MDM1: variants seen among roughly 807,000 people sequenced by gnomAD.
The protein encoded by MDM1 is stabilizer of axonemal microtubules 6.
In MDM1, 61 loss-of-function variants were observed where a neutral mutation model predicts 89.1. The observed-to-expected ratio is 0.68, with a 90% CI of 0.56 to 0.85. MDM1 has a LOEUF of 0.85. Among genes scored for constraint, MDM1 ranks in the 40% least tolerant of loss-of-function variants. The pLI is 0.00. For missense variants in MDM1, 820 were observed against 846.5 expected, an observed-to-expected ratio of 0.97 and a Z score of 0.39; for synonymous variants, 290 against 294.1, an observed-to-expected ratio of 0.99 and a Z score of 0.14.
Position 68,321,646 on chromosome 12 carries a change from T to C in MDM1, c.802-18A>G, listed in dbSNP as rs1875250425. 2 of 1,537,430 alleles carry C rather than the reference T, an allele frequency of 1.3e-6. No individual in the cohort carries two copies. The highest frequency in any genetic ancestry group is 1.8e-6 in the Non-Finnish European group (2 of 1,117,722). ...TTATTACTCTGAAATGGAAATCATT[T>C]AAGCTTTTTATGCTTAAGATGTTAC... On this transcript the variant is annotated intron_variant, in intron 5 of 14. Coordinates refer to ENST00000682720, the MANE Select transcript of MDM1 (RefSeq NM_001354969.2).
intron 14 of MDM1, among the ~76,000 whole-genome samples, chr12:68,296,220 C>T (rs1455087384): frequency 6.6e-6 from 1 of 152,232 alleles, no homozygotes; most frequent in Non-Finnish European, 1.5e-5. Context: ...CTACAAAAGG[C>T]TGGGCATGGT....
chr12:68,321,053 C>T (rs1019812061), intron 7 of MDM1: 13 of 245,346 alleles, frequency 5.3e-5, no homozygotes, highest in South Asian at 1.3e-4. Flanking sequence ...ATGAAATAAT[C>T]GAATCTATAA....
At chr12:68,316,550 T>A (rs1874529269) in intron 8 of MDM1, 31 bp downstream of exon 8, 1 of 1,509,692 alleles carries the variant, frequency 6.6e-7, no homozygotes, top group African/African-American at 1.4e-5. Flanking sequence ...AATCTATGAT[T>A]ATAGTTTTTA....
intron 3 of MDM1, 77 bp downstream of exon 3, chr12:68,326,580 T>C (rs2121148914): frequency 6.2e-7 from 1 of 1,613,690 alleles, no homozygotes; most frequent in East Asian, 2.2e-5. Flanking sequence ...AAACACAAAA[T>C]GTAATATTAC....
At chr12:68,321,171 T>TA in intron 7 of MDM1, 176 bp downstream of exon 7, 1 of 381,854 alleles carries the variant, frequency 2.6e-6, no homozygotes, top group Non-Finnish European at 4.4e-6. Flanking sequence ...GCCAGTGGCA[T>TA]TAAAAAAAAT....
chr12:68,315,955 G>A (rs1286536332), intron 9 of MDM1, 123 bp downstream of exon 9: 1 of 699,094 alleles, frequency 1.4e-6, no homozygotes, highest in Non-Finnish European at 2.2e-6. Flanking sequence ...TGAAATAAAT[G>A]GCTGCCACAA....
At chr12:68,297,286 T>C (rs1301813441) in intron 13 of MDM1, among the ~76,000 whole-genome samples, 3 of 152,216 alleles carry the variant, frequency 2.0e-5, no homozygotes, top group Admixed American at 2.0e-4. Context: ...TTTAAAGAAA[T>C]GTAGTAGGCT....
At chr12:68,329,948 C>T (rs1876550121) in intron 2 of MDM1, among the ~76,000 whole-genome samples, 1 of 152,190 alleles carries the variant, frequency 6.6e-6, no homozygotes, top group African/African-American at 2.4e-5. Context: ...CACTTACTAG[C>T]TGTAAAGCTG....
At chr12:68,309,632 T>C (rs1228541689) in intron 12 of MDM1, among the ~76,000 whole-genome samples, 2 of 152,354 alleles carry the variant, frequency 1.3e-5, no homozygotes, top group Admixed American at 1.3e-4. Flanking sequence ...TTTGAAAATG[T>C]TTCCTGATGA....
chr12:68,295,667 T>C (rs1337462626), intron 14 of MDM1, among the ~76,000 whole-genome samples: 1 of 152,208 alleles, frequency 6.6e-6, no homozygotes, highest in African/African-American at 2.4e-5. Context: ...TCAGTATTAC[T>C]TGAAAATAAT....
At chr12:68,302,530 TTTA>T in intron 13 of MDM1, 87 bp downstream of exon 13, 1 of 1,143,708 alleles carries the variant, frequency 8.7e-7, no homozygotes. Context: ...AAATAACTGA[TTTA>T]TTAACATAAA....
At chr12:68,296,788 C>G (rs1802186793) in intron 14 of MDM1, 135 bp downstream of exon 14, 2 of 532,988 alleles carry the variant, frequency 3.8e-6, no homozygotes, top group Admixed American at 4.2e-5. Context: ...TTCACTCCCC[C>G]TCACAGGGTT....
chr12:68,316,317 A>G (rs901520157), intron 8 of MDM1, 64 bp from the exon 9 acceptor site: 4 of 1,486,708 alleles, frequency 2.7e-6, no homozygotes, highest in Non-Finnish European at 3.6e-6. Context: ...AGCACCAAGT[A>G]GCATATCAAA....
Position 68,326,947 on chromosome 12 carries a change from C to T in MDM1, c.208G>A (p.Glu70Lys). Residue 70 changes from glutamate (E) to lysine (K), a missense_variant, in exon 3 of 15, where the codon GAG (glutamate) becomes AAG (lysine). Coordinates refer to ENST00000682720, the MANE Select transcript of MDM1 (RefSeq NM_001354969.2). ...CTCTCTGAGATAGCTCCATTCCACT[C>T]CAGAGATTTTGAAATCTGTGGGTCA... Reference protein sequence around the residue: ...YHDPQISKSLEWNGAISESNV... With the variant: ...YHDPQISKSLKWNGAISESNV... 6.2e-7 allele frequency: 1 copy of T among 1,613,916 alleles called. No homozygotes were observed. The highest frequency in any genetic ancestry group is 2.2e-5 in the East Asian group (1 of 44,880).
At chr12:68,313,404 G>A in intron 12 of MDM1, 39 bp downstream of exon 12, 1 of 1,355,082 alleles carries the variant, frequency 7.4e-7, no homozygotes, top group African/African-American at 1.4e-5. Context: ...ACAATAATTA[G>A]TCCTAGATGA....
intron 4 of MDM1, 47 bp downstream of exon 4, chr12:68,325,394 T>C (rs191786744): frequency 7.0e-7 from 1 of 1,438,052 alleles, no homozygotes; most frequent in East Asian, 2.5e-5. Context: ...TCTACATTAC[T>C]AGATAAGATA....
chr12:68,306,200 A>G (rs1331459807), intron 12 of MDM1, among the ~76,000 whole-genome samples: 2 of 152,162 alleles, frequency 1.3e-5, no homozygotes, highest in Non-Finnish European at 2.9e-5. Context: ...GTGCTGGGAA[A>G]ACTGGCTGGC....
At chr12:68,307,124 T>TAA (rs1489959571) in intron 12 of MDM1, among the ~76,000 whole-genome samples, 2 of 152,180 alleles carry the variant, frequency 1.3e-5, no homozygotes, top group Non-Finnish European at 2.9e-5. Context: ...TTCTCATTTA[T>TAA]AAGTGGGAGC....
chr12:68,296,991 A>T lies in MDM1; in HGVS notation c.2003-9T>A. On this transcript the variant is annotated splice_polypyrimidine_tract_variant and intron_variant, in intron 13 of 14. Transcript: ENST00000682720. ...CATCCTTGCTTTTCCCACTTAAAAAAAAAAAGGCAGAATAAATTATCCTTC... is the reference window on the plus strand; with the variant it reads ...CATCCTTGCTTTTCCCACTTAAAAATAAAAAGGCAGAATAAATTATCCTTC... 1 of 1,588,692 alleles carries T rather than the reference A, an allele frequency of 6.3e-7. No individual in the cohort carries two copies. The highest frequency in any genetic ancestry group is 8.5e-7 in the Non-Finnish European group (1 of 1,170,754).
Sources: gnomAD v4.1 joint callset for allele counts (sites outside exome capture counted in the v4.1 genomes callset) on GRCh38, gnomAD v4.1.1 for gene constraint, MANE v1.5 for transcripts, NCBI Gene and HGNC (gene_info 2026-07-23, HGNC 2026-07-21) for gene names.